The following RYR3 variants were observed in gnomAD, a reference collection of about 807,000 sequenced individuals.
RYR3 encodes the protein brain ryanodine receptor-calcium release channel.
RYR3 carries 207 observed loss-of-function variants against 584.3 expected under a neutral mutation model. The observed-to-expected ratio is 0.35, with a 90% CI of 0.32 to 0.40. The LOEUF is 0.40. Ranked by LOEUF, RYR3 falls within the 10% of genes least tolerant of loss-of-function variation. The pLI is 1.00. For missense variants in RYR3, 5,616 were observed against 6,089.2 expected (o/e 0.92, Z 2.59); for synonymous variants, 2,416 against 2,248.5 (o/e 1.07, Z -2.11).
chr15:33,462,687 A>G (rs1305219532), intron 1 of RYR3, among the ~76,000 whole-genome samples: 1 of 152,326 alleles, frequency 6.6e-6, no homozygotes, highest in East Asian at 1.9e-4. Flanking sequence ...CTGATAACAT[A>G]CAAACACAGA....
At chr15:33,572,565 G>C (rs992136760) in intron 12 of RYR3, among the ~76,000 whole-genome samples, 1 of 151,382 alleles carries the variant, frequency 6.6e-6, no homozygotes, top group Non-Finnish European at 1.5e-5. Context: ...GAGGCGGTGG[G>C]GGGAGGGAGA....
chr15:33,854,088 T>C (rs1307415087), intron 96 of RYR3, among the ~76,000 whole-genome samples: 1 of 150,956 alleles, frequency 6.6e-6, no homozygotes, highest in South Asian at 2.1e-4. Context: ...CCCAGCTGCT[T>C]GGGAGGCTGA....
chr15:33,670,513 G>A lies in RYR3; in HGVS notation c.5817G>A (p.Lys1939=), dbSNP rs1266298261. 1 of 1,602,428 alleles carries A rather than the reference G, an allele frequency of 6.2e-7. No individual in the cohort carries two copies. The highest frequency in any genetic ancestry group is 8.5e-7 in the Non-Finnish European group (1 of 1,176,610). Reference sequence around the variant, plus strand: ...TTTACAAAATCAAAGGCCCACCCAAGCCAGAGAAGGAGCAGCCGACGGAGG... The same window carrying A: ...TTTACAAAATCAAAGGCCCACCCAAACCAGAGAAGGAGCAGCCGACGGAGG... The part of the protein sequence containing the change: ...ALVYKIKGPP[K]PEKEQPTEEE... The change falls in exon 38 of 104, where the codon AAG becomes AAA. Residue 1939 remains lysine (K), a synonymous_variant. Transcript: ENST00000634891.
intron 27 of RYR3, among the ~76,000 whole-genome samples, chr15:33,640,530 C>T (rs2061746584): frequency 6.6e-6 from 1 of 152,156 alleles, no homozygotes; most frequent in African/African-American, 2.4e-5. Flanking sequence ...TTTATGTCTT[C>T]CTTTAGTTTA....
intron 42 of RYR3, 76 bp downstream of exon 42, chr15:33,701,156 C>A (rs375250170): frequency 2.2e-6 from 2 of 892,646 alleles, no homozygotes; most frequent in Non-Finnish European, 1.8e-6. Flanking sequence ...AAGCAGACCA[C>A]GGATGGAGTC....
intron 19 of RYR3, among the ~76,000 whole-genome samples, chr15:33,616,895 A>C (rs1450533438): frequency 2.0e-5 from 3 of 152,214 alleles, no homozygotes; most frequent in African/African-American, 2.4e-5. Flanking sequence ...GACCTTGGTC[A>C]GGGTCAGTGC....
rs55650127 is a variant in RYR3 at position 33,788,387 on chromosome 15, C to T, written c.9759C>T (p.Asp3253=). 6,370 of 1,613,850 alleles carry T rather than the reference C, an allele frequency of 3.9e-3. 23 individuals are homozygous for T. The highest frequency in any genetic ancestry group is 0.028 in the Middle Eastern group (172 of 6,062). The change falls in exon 67 of 104, where the codon GAC becomes GAT. Residue 3253 remains aspartate, a synonymous_variant. Coordinates refer to ENST00000634891, the MANE Select transcript of RYR3 (RefSeq NM_001036.6). Reference sequence around the variant, plus strand: ...AGGAGGCAGAACTCCTCATCCTGGACGAGTTCGCGGTCCTCTGCAGAGATC... The same window carrying T: ...AGGAGGCAGAACTCCTCATCCTGGATGAGTTCGCGGTCCTCTGCAGAGATC... ...DTQEAELLIL[D]EFAVLCRDLY... is the part of the protein sequence containing the mutation.
rs190977406 is a variant in RYR3 at position 33,753,595 on chromosome 15, C to G, written c.8400-1470C>G. Among the ~76,000 whole-genome samples the G allele has an allele frequency of 6.2e-4, 95 of 152,258 alleles. 1 individual carries two copies. The Middle Eastern group carries it at 0.014, about 22-fold the overall frequency. ...CTTCCTAAAAGAAACATTTACTGAG[C>G]AAGCTGCTGTTTCTTCTAGTTTCCT... is the stretch of plus-strand genomic sequence containing the variant. On this transcript the variant is annotated intron_variant, in intron 57 of 103. Coordinates refer to ENST00000634891, the MANE Select transcript of RYR3 (RefSeq NM_001036.6).
In RYR3 at chr15:33,810,975, C is replaced by G; in HGVS notation, c.10198-3C>G. ...GAATAAAATCTGACATCTCTTTCCA[C>G]AGAGGGACACAGATGAAGAGGTCAG... On this transcript the variant is annotated splice_region_variant and splice_polypyrimidine_tract_variant and intron_variant, in intron 71 of 103. Transcript: ENST00000634891. 2 of 1,605,026 alleles carry G rather than the reference C, an allele frequency of 1.2e-6. No individual in the cohort carries two copies. Among genetic ancestry groups the G allele is most frequent in the Non-Finnish European group, 1.7e-6 (2 of 1,175,708 alleles).
In RYR3 at chr15:33,633,004, C is replaced by G; in HGVS notation, c.2923C>G (p.Leu975Val). Residue 975 changes from leucine to valine, a missense_variant, in exon 24 of 104, where the codon CTG becomes GTG. Leu to Val is a conservative substitution (Grantham distance 32). Transcript: ENST00000634891. ...PAPLDLSDVK[L>V]LPPQEILVDK... ...CCCTTTGGATTTGTCTGATGTGAAG[C>G]TGTTACCTCCTCAAGAAATTTTAGT... 2.5e-6 allele frequency: 4 copies of G among 1,613,940 alleles called. No homozygotes were observed. The highest frequency in any genetic ancestry group is 3.4e-6 in the Non-Finnish European group (4 of 1,179,834).
intron 38 of RYR3, among the ~76,000 whole-genome samples, chr15:33,684,723 G>A (rs1264750154): frequency 6.6e-6 from 1 of 152,176 alleles, no homozygotes; most frequent in Non-Finnish European, 1.5e-5. Context: ...TACCCACAAA[G>A]GGAAGCCCAT....
At chr15:33,782,517 A>C (rs1300762919) in intron 65 of RYR3, among the ~76,000 whole-genome samples, 2 of 152,194 alleles carry the variant, frequency 1.3e-5, no homozygotes, top group African/African-American at 2.4e-5. Context: ...TTTAGCAAAG[A>C]GTGGATGCTG....
intron 1 of RYR3, among the ~76,000 whole-genome samples, chr15:33,319,187 A>G (rs982929349): frequency 6.6e-6 from 1 of 152,226 alleles, no homozygotes; most frequent in Admixed American, 6.5e-5. Context: ...CATCAATGGC[A>G]CATAAATGTC....
chr15:33,338,670 G>C (rs775768846), intron 1 of RYR3, among the ~76,000 whole-genome samples: 1 of 152,062 alleles, frequency 6.6e-6, no homozygotes, highest in African/African-American at 2.4e-5. Context: ...GCAGGTTTTC[G>C]TGACCCAGTT....
intron 19 of RYR3, among the ~76,000 whole-genome samples, chr15:33,613,679 A>G (rs148075117): frequency 1.4e-4 from 21 of 152,368 alleles, no homozygotes; most frequent in African/African-American, 4.6e-4. Context: ...TTCAAAGACA[A>G]TAGTTATGAA....
chr15:33,412,279 T>C lies in RYR3; in HGVS notation c.52-61140T>C, dbSNP rs1185475241. Among the ~76,000 whole-genome samples the C allele has an allele frequency of 3.3e-5, 5 of 152,128 alleles. No individual in the cohort carries two copies. Among genetic ancestry groups the C allele is most frequent in the Non-Finnish European group, 7.3e-5 (5 of 68,028 alleles). On this transcript the variant is annotated intron_variant, in intron 1 of 103. Transcript: ENST00000634891. The surrounding 1 kb of genome is among the most constrained non-coding windows in gnomAD (Gnocchi z 4.3). ...CTTTGGCTTGAGGCTGGGAAGGCCA[T>C]GGGTTGTTCTTGGCACGGACTTGCC...
At position 33,704,967 on chromosome 15, in the gene RYR3, C is replaced by A. The variant is rs938427545; in HGVS notation, c.6484-1952C>A. On this transcript the variant is annotated intron_variant, in intron 42 of 103. Coordinates refer to ENST00000634891, the MANE Select transcript of RYR3 (RefSeq NM_001036.6). ...CCCAAGTTTGGTTCACAGGAAAGAACAGCAAAGGACTGGTATGCTGGAGTT... is the reference window on the plus strand; with the variant it reads ...CCCAAGTTTGGTTCACAGGAAAGAAAAGCAAAGGACTGGTATGCTGGAGTT... Among the ~76,000 whole-genome samples the A allele has an allele frequency of 2.6e-5, 4 of 152,280 alleles. No individual in the cohort carries two copies. In the South Asian group the frequency reaches 8.3e-4, roughly 32 times the overall value.
chr15:33,810,432 GGA>G, intron 70 of RYR3, 45 bp from the exon 71 acceptor site: 1 of 1,602,688 alleles, frequency 6.2e-7, no homozygotes, highest in African/African-American at 1.3e-5. Context: ...CGTTCCTTTG[GGA>G]GAATCACTGA....
In RYR3 at chr15:33,580,033, C is replaced by G. The variant is rs778401973; in HGVS notation, c.1326C>G (p.Thr442=). ...TGCCTATAGAAGAAGTCCTGCAGAC[C>G]CTACAGGACTTGATCGCCTACTTCC... ...ITLPIEEVLQ[T]LQDLIAYFQP... The change falls in exon 13 of 104, where the codon ACC becomes ACG. Residue 442 remains threonine (T), a synonymous_variant. Transcript: ENST00000634891. 3 of 1,612,592 alleles carry G rather than the reference C, an allele frequency of 1.9e-6. No homozygotes were observed. The highest frequency in any genetic ancestry group is 2.5e-6 in the Non-Finnish European group (3 of 1,178,836).
Sources: gnomAD v4.1 joint callset for allele counts (sites outside exome capture counted in the v4.1 genomes callset) on GRCh38, gnomAD v4.1.1 for gene constraint, Gnocchi (gnomAD v3.1) non-coding constraint, MANE v1.5 for transcripts, NCBI Gene and HGNC (gene_info 2026-07-23, HGNC 2026-07-21) for gene names.